DIAPH2: variants seen among roughly 807,000 people sequenced by gnomAD.
DIAPH2 encodes diaphanous related formin 2.
DIAPH2 carries 35 observed loss-of-function variants against 92.7 expected under a neutral mutation model. The ratio of observed to expected loss-of-function variants is 0.38; its 90% CI spans 0.29 to 0.50. DIAPH2 has a LOEUF of 0.50. Ranked by LOEUF, DIAPH2 falls within the 20% of genes least tolerant of loss-of-function variation. The probability of loss-of-function intolerance (pLI) is 0.94; values close to 1 mark genes in which losing one functional copy is unlikely to be tolerated. For missense variants in DIAPH2, 701 were observed against 819.5 expected (o/e 0.86, Z 1.77); for synonymous variants, 301 against 280.4 (o/e 1.07, Z -0.73).
chrX:96,763,053 G>GT (rs11339405), intron 4 of DIAPH2: 4,330 of 791,660 alleles, frequency 5.5e-3, no homozygotes, highest in Admixed American at 6.1e-3. Context: ...GTTGCTGTTT[G>GT]TTTTTTTTTT....
chrX:96,802,163 C>T (rs1351145420), intron 4 of DIAPH2, among the ~76,000 whole-genome samples: 3 of 111,884 alleles, frequency 2.7e-5, no homozygotes, highest in Admixed American at 9.5e-5. Flanking sequence ...CACCCAATCC[C>T]ATGTTTGTGA....
At chrX:96,947,581 G>C (rs2065746110) in intron 14 of DIAPH2, among the ~76,000 whole-genome samples, 2 of 110,948 alleles carry the variant, frequency 1.8e-5, no homozygotes, top group Admixed American at 9.6e-5. Context: ...AAGCATTTCA[G>C]GTTCGACCCA....
chrX:96,809,354 AC>A (rs759179290), intron 4 of DIAPH2, among the ~76,000 whole-genome samples: 189 of 103,741 alleles, frequency 1.8e-3, no homozygotes, highest in Middle Eastern at 6.4e-3. Context: ...AAAAAAAAAA[AC>A]ATAACCTGAG....
intron 17 of DIAPH2, among the ~76,000 whole-genome samples, chrX:96,998,924 A>G (rs1165536618): frequency 7.1e-5 from 8 of 112,283 alleles, no homozygotes; most frequent in Non-Finnish European, 1.3e-4. Context: ...TTAAAATGGT[A>G]CCTGCTGCAT....
intron 22 of DIAPH2, among the ~76,000 whole-genome samples, chrX:97,219,356 T>G (rs1305677197): frequency 8.9e-6 from 1 of 112,211 alleles, no homozygotes; most frequent in Non-Finnish European, 1.9e-5. Flanking sequence ...TTCACTATTT[T>G]TCTTATAGGG....
At chrX:97,311,931 C>T (rs1602498690) in intron 23 of DIAPH2, among the ~76,000 whole-genome samples, 1 of 110,349 alleles carries the variant, frequency 9.1e-6, no homozygotes, top group African/African-American at 3.3e-5. Context: ...GGGTTCATAC[C>T]ATTCTCCTGC....
chrX:97,362,927 T>C (rs757253540), intron 24 of DIAPH2, among the ~76,000 whole-genome samples: 10 of 112,462 alleles, frequency 8.9e-5, no homozygotes, highest in African/African-American at 2.9e-4. Flanking sequence ...GTGTAAATGT[T>C]TCCTAAAATT....
intron 22 of DIAPH2, among the ~76,000 whole-genome samples, chrX:97,183,070 T>C (rs1237149862): frequency 8.9e-6 from 1 of 111,914 alleles, no homozygotes; most frequent in Non-Finnish European, 1.9e-5. Flanking sequence ...GCCGAAGCAG[T>C]GTTTAGAAAA....
At chrX:97,056,656 C>T (rs965954316) in intron 17 of DIAPH2, among the ~76,000 whole-genome samples, 6 of 111,699 alleles carry the variant, frequency 5.4e-5, no homozygotes, top group Non-Finnish European at 1.1e-4. Flanking sequence ...GTATGCTTAC[C>T]TGTAATTTGA....
intron 16 of DIAPH2, among the ~76,000 whole-genome samples, chrX:96,961,401 C>CTT (rs767876661): frequency 3.8e-5 from 3 of 78,154 alleles, no homozygotes; most frequent in South Asian, 5.4e-4. Flanking sequence ...TTAGGTCTTT[C>CTT]TTTTTTTTTT....
chrX:96,791,416 A>T (rs1396381741), intron 4 of DIAPH2, among the ~76,000 whole-genome samples: 1 of 111,087 alleles, frequency 9.0e-6, no homozygotes, highest in Non-Finnish European at 1.9e-5. Flanking sequence ...AAGATAAAAG[A>T]TACTTCAGCC....
At chrX:96,879,727 T>C (rs1404435956) in intron 4 of DIAPH2, among the ~76,000 whole-genome samples, 7 of 110,986 alleles carry the variant, frequency 6.3e-5, no homozygotes, top group African/African-American at 2.3e-4. Flanking sequence ...ATTCATCCAG[T>C]ATACTTTTTT....
chrX:97,390,689 C>T (rs962326004), intron 25 of DIAPH2, among the ~76,000 whole-genome samples: 1 of 111,437 alleles, frequency 9.0e-6, no homozygotes, highest in Non-Finnish European at 1.9e-5. Flanking sequence ...TGAGCCACCA[C>T]GCCCGGCCTT....
At chrX:97,336,406 C>T (rs1021613348) in intron 23 of DIAPH2, among the ~76,000 whole-genome samples, 11 of 107,640 alleles carry the variant, frequency 1.0e-4, no homozygotes, top group Non-Finnish European at 1.5e-4. Context: ...CCACCACGCC[C>T]GGCTAATTTT....
chrX:97,477,026 TAC>T (rs1216092681), intron 26 of DIAPH2, among the ~76,000 whole-genome samples: 3 of 61,437 alleles, frequency 4.9e-5, no homozygotes, highest in African/African-American at 1.3e-4. Context: ...CACACACACA[TAC>T]ACACACACAT....
intron 20 of DIAPH2, among the ~76,000 whole-genome samples, chrX:97,105,886 G>A (rs1037090792): frequency 3.6e-5 from 4 of 111,816 alleles, no homozygotes; most frequent in Non-Finnish European, 7.5e-5. Flanking sequence ...GTGATATTGC[G>A]GACAGCACAT....
chrX:96,913,396 G>C (rs1236689048), intron 7 of DIAPH2, among the ~76,000 whole-genome samples: 1 of 111,579 alleles, frequency 9.0e-6, no homozygotes, highest in Non-Finnish European at 1.9e-5. Flanking sequence ...TGCTTGTTCA[G>C]TTTACAAAAG....
chrX:97,195,476 CA>C (rs1326272083), intron 22 of DIAPH2, among the ~76,000 whole-genome samples: 47 of 110,153 alleles, frequency 4.3e-4, no homozygotes, highest in Non-Finnish European at 7.6e-4. Flanking sequence ...GCCTGGCCAA[CA>C]TGGTGAAACC....
intron 26 of DIAPH2, among the ~76,000 whole-genome samples, chrX:97,556,794 T>C (rs2071260379): frequency 8.9e-6 from 1 of 112,060 alleles, no homozygotes; most frequent in Non-Finnish European, 1.9e-5. Context: ...CAATCCTAAA[T>C]GCTGGGGATA....
Sources: gnomAD v4.1 joint callset for allele counts (sites outside exome capture counted in the v4.1 genomes callset) on GRCh38, gnomAD v4.1.1 for gene constraint, MANE v1.5 for transcripts, NCBI Gene and HGNC (gene_info 2026-07-23, HGNC 2026-07-21) for gene names.